The following MLLT3 variants were observed in gnomAD, a reference collection of about 807,000 sequenced individuals.
MLLT3 encodes the protein MLLT3 super elongation complex subunit.
In MLLT3, 4 loss-of-function variants were observed where a neutral mutation model predicts 53.2. That is an observed-to-expected ratio of 0.08 (90% CI 0.04 to 0.17). MLLT3 has a LOEUF of 0.17. Ranked by LOEUF, MLLT3 falls within the 10% of genes least tolerant of loss-of-function variation. The pLI is 1.00. For synonymous variants in MLLT3, 283 were observed against 230.6 expected (o/e 1.23, Z -2.06); for missense variants, 569 against 684.0 (o/e 0.83, Z 1.87).
chr9:20,505,629 C>T (rs1825362344), intron 2 of MLLT3, among the ~76,000 whole-genome samples: 1 of 152,108 alleles, frequency 6.6e-6, no homozygotes, highest in Admixed American at 6.5e-5. Context: ...TCATCCTTAC[C>T]TTGGCTTATG....
chr9:20,443,940 C>G (rs1390137608), intron 4 of MLLT3, among the ~76,000 whole-genome samples: 1 of 152,150 alleles, frequency 6.6e-6, no homozygotes, highest in East Asian at 1.9e-4. Flanking sequence ...GAATTTAAAA[C>G]TTTTCCAATT....
chr9:20,431,342 T>C (rs938016543), intron 4 of MLLT3, among the ~76,000 whole-genome samples: 18 of 152,120 alleles, frequency 1.2e-4, no homozygotes, highest in African/African-American at 4.3e-4. Context: ...GGAGTCCTCA[T>C]GTTTCTTAAT....
chr9:20,506,936 T>A (rs1177488555), intron 2 of MLLT3, among the ~76,000 whole-genome samples: 1 of 152,238 alleles, frequency 6.6e-6, no homozygotes, highest in Non-Finnish European at 1.5e-5. Context: ...GCTATTTAAG[T>A]AGGGGGTGGG....
intron 4 of MLLT3, among the ~76,000 whole-genome samples, chr9:20,445,560 C>T (rs1260030606): frequency 6.6e-6 from 1 of 152,100 alleles, no homozygotes; most frequent in Non-Finnish European, 1.5e-5. Context: ...AGCTGAAAAA[C>T]ATTTTTTCCA....
chr9:20,512,524 T>C (rs990595163), intron 2 of MLLT3, among the ~76,000 whole-genome samples: 1 of 152,246 alleles, frequency 6.6e-6, no homozygotes. Flanking sequence ...ATGGCTATTG[T>C]TGCAGAACCA....
intron 2 of MLLT3, among the ~76,000 whole-genome samples, chr9:20,560,932 C>G (rs1034239413): frequency 3.3e-5 from 5 of 152,100 alleles, no homozygotes; most frequent in African/African-American, 4.8e-5. Context: ...TTCAAATCCT[C>G]TCTTCTAGCT....
intron 7 of MLLT3, among the ~76,000 whole-genome samples, chr9:20,362,114 G>C (rs1240128529): frequency 6.6e-6 from 1 of 152,222 alleles, no homozygotes; most frequent in African/African-American, 2.4e-5. Context: ...CACAAGTGCA[G>C]TGAAGATCAA....
At chr9:20,561,570 T>C (rs1435905950) in intron 2 of MLLT3, among the ~76,000 whole-genome samples, 1 of 152,156 alleles carries the variant, frequency 6.6e-6, no homozygotes, top group African/African-American at 2.4e-5. Flanking sequence ...CTTTCCAAAG[T>C]TGTCTTTAAA....
At chr9:20,481,218 C>T (rs1824653855) in intron 2 of MLLT3, among the ~76,000 whole-genome samples, 1 of 152,168 alleles carries the variant, frequency 6.6e-6, no homozygotes. Flanking sequence ...TATTAATATA[C>T]TTTTTCCTAA....
rs76608992 is a variant in MLLT3, at chr9:20,610,683, T to C, written c.193+9971A>G. ...CATAGGTCCCATCCTTTCTGATGTG[T>C]AACTCTAATGCAACACAGGAGGAAA... On this transcript the variant is annotated intron_variant, in intron 2 of 10. Coordinates refer to ENST00000380338, the MANE Select transcript of MLLT3 (RefSeq NM_004529.4). Among the ~76,000 whole-genome samples, 1,230 of 152,240 alleles carry C rather than the reference T, an allele frequency of 8.1e-3. 26 individuals are homozygous for C. Among genetic ancestry groups the C allele is most frequent in the African/African-American group, 0.029 (1,191 of 41,552 alleles).
intron 4 of MLLT3, among the ~76,000 whole-genome samples, chr9:20,430,131 A>C (rs1376409579): frequency 6.6e-6 from 1 of 152,160 alleles, no homozygotes; most frequent in African/African-American, 2.4e-5. Context: ...AGCAAAACAA[A>C]ATATAAAGTA....
intron 4 of MLLT3, among the ~76,000 whole-genome samples, chr9:20,434,970 G>A (rs1823366652): frequency 6.6e-6 from 1 of 152,068 alleles, no homozygotes; most frequent in South Asian, 2.1e-4. Flanking sequence ...TTACACACAT[G>A]CACTTTGATC....
At chr9:20,542,375 C>T (rs1223024131) in intron 2 of MLLT3, among the ~76,000 whole-genome samples, 8 of 152,068 alleles carry the variant, frequency 5.3e-5, no homozygotes, top group South Asian at 4.2e-4. Context: ...CTCAGCCTCC[C>T]GAGTAGCTGG....
chr9:20,563,703 T>A (rs1431754817), intron 2 of MLLT3, among the ~76,000 whole-genome samples: 1 of 152,174 alleles, frequency 6.6e-6, no homozygotes, highest in Non-Finnish European at 1.5e-5. Flanking sequence ...AGGCCTTGTC[T>A]ATACCTCTTG....
At chr9:20,461,018 G>A (rs1049661081) in intron 2 of MLLT3, among the ~76,000 whole-genome samples, 3 of 151,994 alleles carry the variant, frequency 2.0e-5, no homozygotes, top group African/African-American at 7.3e-5. Context: ...GTAAATAACC[G>A]CTCCCCTTCT....
intron 2 of MLLT3, among the ~76,000 whole-genome samples, chr9:20,571,348 G>A (rs1435237952): frequency 6.6e-6 from 1 of 152,102 alleles, no homozygotes; most frequent in Non-Finnish European, 1.5e-5. Context: ...CTATTAATAG[G>A]AGAAAATATT....
intron 2 of MLLT3, among the ~76,000 whole-genome samples, chr9:20,510,350 C>T (rs550045757): frequency 3.3e-5 from 5 of 152,318 alleles, no homozygotes; most frequent in Admixed American, 1.3e-4. Context: ...CGGTGGCTCA[C>T]ACCTGTAATC....
At chr9:20,522,771 T>C (rs963525714) in intron 2 of MLLT3, among the ~76,000 whole-genome samples, 1 of 151,966 alleles carries the variant, frequency 6.6e-6, no homozygotes, top group African/African-American at 2.4e-5. Context: ...ATAAAGGATA[T>C]ACAATATACA....
intron 2 of MLLT3, among the ~76,000 whole-genome samples, chr9:20,501,909 C>T (rs1029791204): frequency 3.0e-4 from 46 of 151,358 alleles, no homozygotes; most frequent in South Asian, 2.1e-4. Flanking sequence ...GGTGAAACCT[C>T]GTCTCTACTA....
Sources: allele counts gnomAD v4.1 joint callset (sites outside exome capture counted in the v4.1 genomes callset), GRCh38; gene constraint gnomAD v4.1.1; transcripts MANE v1.5; gene names NCBI Gene and HGNC (gene_info 2026-07-23, HGNC 2026-07-21).